The following SLC2A2 variants were observed in gnomAD, a reference collection of about 807,000 sequenced individuals.
SLC2A2 encodes solute carrier family 2 member 2, also known as solute carrier family 2, facilitated glucose transporter member 2.
SLC2A2 carries 36 observed loss-of-function variants against 54.5 expected under a neutral mutation model. That is an observed-to-expected ratio of 0.66 (90% CI 0.51 to 0.87). The LOEUF is 0.87. Among genes scored for constraint, SLC2A2 ranks in the 40% least tolerant of loss-of-function variants. The pLI is 0.00. For synonymous variants in SLC2A2, 223 were observed against 219.1 expected, an observed-to-expected ratio of 1.02 and a Z score of -0.16; for missense variants, 543 against 624.3, an observed-to-expected ratio of 0.87 and a Z score of 1.39.
At chr3:171,011,074 C>G (rs144197925) in intron 3 of SLC2A2, among the ~76,000 whole-genome samples, 177 of 152,180 alleles carry the variant, frequency 1.2e-3, no homozygotes, top group Non-Finnish European at 2.2e-3. Context: ...ATGCAAGTAT[C>G]TTTAACACCA....
chr3:170,997,909 A>T lies in SLC2A2; in HGVS notation c.1569T>A (p.Thr523=). Residue 523 remains threonine (T), a synonymous_variant, in exon 11 of 11, where the codon ACT becomes ACA. Transcript: ENST00000314251. ...AAAAAGCAGGGTTTTTTTTTTACAC[A>T]GTCTCTGTAGCTCCTAGGAATTTCA... is the stretch of plus-strand genomic sequence containing the variant. ...VEMKFLGATE[T]V is the part of the protein sequence containing the mutation. 1 of 1,611,528 alleles carries T rather than the reference A, an allele frequency of 6.2e-7. No homozygotes were observed. Among genetic ancestry groups the T allele is most frequent in the Non-Finnish European group, 8.5e-7 (1 of 1,178,830 alleles).
chr3:170,999,193 C>T, intron 8 of SLC2A2, 27 bp from the exon 9 acceptor site: 1 of 1,452,064 alleles, frequency 6.9e-7, no homozygotes, highest in South Asian at 1.1e-5. Flanking sequence ...GAAATTATCT[C>T]AGTTTTGTGA....
chr3:170,997,511 A>G lies in SLC2A2; in HGVS notation c.*392T>C. ...TTAACATAAGATATATGGGTAAGAA[A>G]ATTCCAATTTAATGATATTCAAATA... On this transcript the variant is annotated 3_prime_UTR_variant, in exon 11 of 11. Transcript: ENST00000314251. 1 of 188,884 alleles carries G rather than the reference A, an allele frequency of 5.3e-6. No homozygotes were observed. Among genetic ancestry groups the G allele is most frequent in the Non-Finnish European group, 1.1e-5 (1 of 91,704 alleles). 11.7% of individuals were successfully genotyped at this position (188,884 alleles called of 1,614,324 possible). A position where few individuals can be genotyped will look rare whatever the true frequency, so the allele number is the denominator to read the frequency against.
chr3:171,004,641 T>G (rs1225716071), intron 7 of SLC2A2, among the ~76,000 whole-genome samples: 5 of 151,846 alleles, frequency 3.3e-5, no homozygotes, highest in Admixed American at 1.3e-4. Flanking sequence ...TTTTTTCCTC[T>G]AGTAGTCAAT....
At chr3:171,008,368 C>G (rs1204853264) in intron 4 of SLC2A2, among the ~76,000 whole-genome samples, 1 of 151,986 alleles carries the variant, frequency 6.6e-6, no homozygotes, top group Non-Finnish European at 1.5e-5. Context: ...ATTTATTTGG[C>G]TCAATTCTAA....
In SLC2A2 at chr3:170,998,925, G is replaced by T. The variant is rs1002719870; in HGVS notation, c.1170+140C>A. 17 of 734,378 alleles carry T rather than the reference G, an allele frequency of 2.3e-5. No individual in the cohort carries two copies. In the African/African-American group the frequency reaches 3.0e-4, roughly 13 times the overall value. 45.5% of individuals were successfully genotyped at this position (734,378 alleles called of 1,614,324 possible). A position where few individuals can be genotyped will look rare whatever the true frequency, so the allele number is the denominator to read the frequency against. The stretch of plus-strand genomic sequence containing the variant: ...CATCTTTTCTTTATATATCTCCTTT[G>T]ATTTTATGCTGTTGCTCTGGCTTTA... On this transcript the variant is annotated intron_variant, in intron 9 of 10. Transcript: ENST00000314251.
In SLC2A2 at chr3:170,996,762, G is replaced by A. The variant is rs1715095430; in HGVS notation, c.*1141C>T. The stretch of plus-strand genomic sequence containing the variant: ...ATACAGCTAAGACAAAGAAGGAAAT[G>A]TCAAAGGAGACGATTATTTTATGTT... On this transcript the variant is annotated 3_prime_UTR_variant, in exon 11 of 11. Transcript: ENST00000314251. 2 of 396,570 alleles carry A rather than the reference G, an allele frequency of 5.0e-6. No homozygotes were observed. Among genetic ancestry groups the A allele is most frequent in the South Asian group, 2.6e-4 (2 of 7,702 alleles). 24.6% of individuals were successfully genotyped at this position (396,570 alleles called of 1,614,324 possible).
chr3:171,020,708 C>T (rs1716419691), intron 1 of SLC2A2, among the ~76,000 whole-genome samples: 1 of 151,600 alleles, frequency 6.6e-6, no homozygotes, highest in Admixed American at 6.6e-5. Context: ...CATAGCAAGA[C>T]CTTGTCTCTA....
intron 8 of SLC2A2, among the ~76,000 whole-genome samples, chr3:171,001,165 C>T (rs1234970531): frequency 6.6e-6 from 1 of 151,972 alleles, no homozygotes; most frequent in Non-Finnish European, 1.5e-5. Context: ...GAAGTTTCCT[C>T]TTTAGATTTT....
At chr3:171,005,616 T>C in intron 6 of SLC2A2, 144 bp from the exon 7 acceptor site, 1 of 699,394 alleles carries the variant, frequency 1.4e-6, no homozygotes, top group Non-Finnish European at 2.4e-6. Context: ...TTTTGTTAAA[T>C]TAGATCCTGC....
chr3:171,002,511 C>T, intron 8 of SLC2A2, 65 bp downstream of exon 8: 1 of 1,046,768 alleles, frequency 9.6e-7, no homozygotes, highest in Non-Finnish European at 1.5e-6. Context: ...GCCGAAGTTC[C>T]CCACCCCTCC....
rs374702599 is a variant in SLC2A2 at position 170,998,362 on chromosome 3, A to G, written c.1205T>C (p.Ile402Thr). The change falls in exon 10 of 11, where the codon ATA (isoleucine) becomes ACA (threonine). Residue 402 changes from isoleucine (I) to threonine (T), a missense_variant. This residue lies in a region of SLC2A2 where 117 missense variants were observed against 179.2 expected (regional missense o/e 0.65). Transcript: ENST00000314251. ...KFSWMSYVSM[I>T]AIFLFVSFFE... is the part of the protein sequence containing the mutation. ...GAAGCTGACAAAGAGGAAGATGGCT[A>G]TCATGCTCACATAACTCATCCAAGA... 1.7e-5 allele frequency: 27 copies of G among 1,613,570 alleles called. No homozygotes were observed. Among genetic ancestry groups the G allele is most frequent in the Non-Finnish European group, 2.1e-5 (25 of 1,179,744 alleles).
At chr3:171,006,593 G>C (rs1157121745) in intron 5 of SLC2A2, among the ~76,000 whole-genome samples, 2 of 152,004 alleles carry the variant, frequency 1.3e-5, no homozygotes, top group Non-Finnish European at 2.9e-5. Flanking sequence ...GATGAGAACT[G>C]TCTTGGCGAT....
intron 2 of SLC2A2, among the ~76,000 whole-genome samples, chr3:171,016,983 G>T (rs967695309): frequency 2.0e-5 from 3 of 151,718 alleles, no homozygotes; most frequent in Non-Finnish European, 2.9e-5. Flanking sequence ...CTCCCGAGTA[G>T]CTGGGATTAC....
rs2292620 is a variant in SLC2A2 at position 171,006,247 on chromosome 3, T to C, written c.613-142A>G. ...AAGTAAAAACGGAAACTGTTACTAT[T>C]GTATCTCACTTTAACTAAATTAGGA... On this transcript the variant is annotated intron_variant, in intron 5 of 10. Transcript: ENST00000314251. 75,148 of 665,030 alleles carry C rather than the reference T, an allele frequency of 0.11. 5,680 individuals are homozygous for C. Among genetic ancestry groups the C allele is most frequent in the African/African-American group, 0.29 (15,913 of 54,806 alleles). 41.2% of individuals were successfully genotyped at this position (665,030 alleles called of 1,614,324 possible). A position where few individuals can be genotyped will look rare whatever the true frequency, so the allele number is the denominator to read the frequency against.
intron 7 of SLC2A2, 34 bp from the exon 8 acceptor site, chr3:171,002,714 A>C (rs568174652): frequency 8.1e-7 from 1 of 1,238,004 alleles, no homozygotes; most frequent in African/African-American, 1.5e-5. Flanking sequence ...CTTAATCTTA[A>C]GAAGTCTGGC....
rs141574520 is a variant in SLC2A2 at position 170,997,928 on chromosome 3, A to T, written c.1550T>A (p.Phe517Tyr). The change falls in exon 11 of 11, where the codon TTC becomes TAC. Residue 517 changes from phenylalanine to tyrosine, a missense_variant. Phe to Tyr is a conservative substitution (Grantham distance 22). This residue lies in a region of SLC2A2 where 108 missense variants were observed against 101.3 expected (regional missense o/e 1.07). Coordinates refer to ENST00000314251, the MANE Select transcript of SLC2A2 (RefSeq NM_000340.2). ...HRPKAAVEMK[F>Y]LGATETV The stretch of plus-strand genomic sequence containing the variant: ...TTACACAGTCTCTGTAGCTCCTAGG[A>T]ATTTCATTTCTACAGCAGCTTTTGG... The T allele has an allele frequency of 5.6e-6, 9 of 1,613,212 alleles. No homozygotes were observed. The highest frequency in any genetic ancestry group is 7.6e-6 in the Non-Finnish European group (9 of 1,179,638).
chr3:171,004,603 T>C (rs1715499667), intron 7 of SLC2A2, among the ~76,000 whole-genome samples: 1 of 151,808 alleles, frequency 6.6e-6, no homozygotes, highest in South Asian at 2.1e-4. Context: ...TTTTTTTTTT[T>C]TAATCTAGTT....
chr3:171,005,378 A>G lies in SLC2A2; in HGVS notation c.870T>C (p.Ser290=), dbSNP rs1243625410. The change falls in exon 7 of 11, where the codon TCT becomes TCC. Residue 290 remains serine, a synonymous_variant. Transcript: ENST00000314251. ...REEASSEQKV[S]IIQLFTNSSY... is the part of the protein sequence containing the mutation. ...TGGAATTGGTGAAGAGCTGAATTATAGAGACTTTCTGCTCACTCGATGCTT... is the reference window on the plus strand; with the variant it reads ...TGGAATTGGTGAAGAGCTGAATTATGGAGACTTTCTGCTCACTCGATGCTT... The G allele has an allele frequency of 1.9e-6, 3 of 1,612,598 alleles. No homozygotes were observed. Among genetic ancestry groups the G allele is most frequent in the African/African-American group, 1.3e-5 (1 of 74,844 alleles).
Sources: allele counts gnomAD v4.1 joint callset (sites outside exome capture counted in the v4.1 genomes callset), GRCh38; gene constraint gnomAD v4.1.1; regional missense constraint gnomAD v4.1.1; transcripts MANE v1.5; gene names NCBI Gene and HGNC (gene_info 2026-07-23, HGNC 2026-07-21).